The following ARRDC3 variants were observed in gnomAD, a reference collection of about 807,000 sequenced individuals.
ARRDC3 encodes arrestin domain-containing protein 3.
Under a neutral mutation model 47.2 loss-of-function variants are expected in ARRDC3, and 10 were observed. That is an observed-to-expected ratio of 0.21 (90% CI 0.13 to 0.36). ARRDC3 has a LOEUF of 0.36. Among genes scored for constraint, ARRDC3 ranks in the 10% least tolerant of loss-of-function variants. The pLI is 1.00. For missense variants in ARRDC3, 381 were observed against 503.6 expected, an observed-to-expected ratio of 0.76 and a Z score of 2.33; for synonymous variants, 156 against 178.3, an observed-to-expected ratio of 0.87 and a Z score of 1.00.
chr5:91,371,310 C>G lies in ARRDC3; in HGVS notation c.*90G>C, dbSNP rs943405079. On this transcript the variant is annotated 3_prime_UTR_variant, in exon 8 of 8. Transcript: ENST00000265138. ...CTGGGCAAAAGTAATTCCACTTCCT[C>G]TGAAACGTGTCTCCAAGATACTTCT... is the stretch of plus-strand genomic sequence containing the variant. 8.4e-7 allele frequency: 1 copy of G among 1,188,488 alleles called. No individual in the cohort carries two copies. Among genetic ancestry groups the G allele is most frequent in the Non-Finnish European group, 1.2e-6 (1 of 824,628 alleles). The allele number at this position is 1,188,488 out of a possible 1,614,324, so 73.6% of individuals were successfully genotyped here.
chr5:91,377,389 C>A (rs1285807226), intron 2 of ARRDC3, among the ~76,000 whole-genome samples: 1 of 152,054 alleles, frequency 6.6e-6, no homozygotes. Context: ...ATATAGTCCT[C>A]TTGATCTATG....
chr5:91,368,830 G>A lies in ARRDC3; in HGVS notation c.*2570C>T, dbSNP rs970151411. On this transcript the variant is annotated 3_prime_UTR_variant, in exon 8 of 8. Transcript: ENST00000265138. ...TGTTTTCTTAAAACAGAGCCTACAA[G>A]GACATATTCAGCACCAAATAAAAAA... The A allele has an allele frequency of 2.0e-5, 3 of 152,310 alleles. No homozygotes were observed. Among genetic ancestry groups the A allele is most frequent in the Admixed American group, 2.0e-4 (3 of 15,234 alleles). The allele number at this position is 152,310 out of a possible 1,614,324, so 9.4% of individuals were successfully genotyped here.
chr5:91,374,701 T>C (rs569677825), intron 5 of ARRDC3, among the ~76,000 whole-genome samples: 7 of 152,132 alleles, frequency 4.6e-5, no homozygotes, highest in African/African-American at 1.7e-4. Context: ...CTGGGCGACA[T>C]GGTCAAACTC....
At chr5:91,378,456 T>TA (rs1799356652) in intron 2 of ARRDC3, among the ~76,000 whole-genome samples, 3 of 152,114 alleles carry the variant, frequency 2.0e-5, no homozygotes, top group Non-Finnish European at 4.4e-5. Context: ...ATTCCTATTT[T>TA]AAAAACCTCA....
chr5:91,381,139 A>C (rs1365764802), intron 1 of ARRDC3: 1 of 151,126 alleles, frequency 6.6e-6, no homozygotes, highest in Non-Finnish European at 1.5e-5. Flanking sequence ...GGCTAGTTTG[A>C]GAGCTCCCAG....
chr5:91,371,379 T>A lies in ARRDC3; in HGVS notation c.*21A>T, dbSNP rs200360428. On this transcript the variant is annotated 3_prime_UTR_variant, in exon 8 of 8. Transcript: ENST00000265138. ...GATACAGTTCGGAACCCACATCAAC[T>A]TGATTCAACCAAGTGTTCCTTCAAC... 35 of 1,605,134 alleles carry A rather than the reference T, an allele frequency of 2.2e-5. No individual in the cohort carries two copies. In the Admixed American group the frequency reaches 4.0e-4, roughly 18 times the overall value.
intron 1 of ARRDC3, among the ~76,000 whole-genome samples, chr5:91,382,050 T>C (rs1339935361): frequency 6.6e-6 from 1 of 152,206 alleles, no homozygotes; most frequent in African/African-American, 2.4e-5. Context: ...TCAAATCCAG[T>C]GTGCCCTATA....
chr5:91,380,564 C>T, intron 1 of ARRDC3: 1 of 152,486 alleles, frequency 6.6e-6, no homozygotes, highest in Non-Finnish European at 1.5e-5. Context: ...CCAGCCTTTG[C>T]TCTGTCCCCT....
chr5:91,372,026 C>T (rs997959795), intron 7 of ARRDC3, among the ~76,000 whole-genome samples: 2 of 152,026 alleles, frequency 1.3e-5, no homozygotes, highest in East Asian at 1.9e-4. Flanking sequence ...GGGCCAAAAA[C>T]GCAGTGTATC....
chr5:91,382,883 G>A lies in ARRDC3; in HGVS notation c.210C>T (p.Ala70=), dbSNP rs1235547176. The change falls in exon 1 of 8, where the codon GCC becomes GCT. Residue 70 remains alanine, a synonymous_variant. Coordinates refer to ENST00000265138, the MANE Select transcript of ARRDC3 (RefSeq NM_020801.4). ...CTTCTTCAGTGTAATTCTGTGTATA[G>A]GCAGTATTGGAGCCGGCGTTTCTAG... is the stretch of plus-strand genomic sequence containing the variant. The part of the protein sequence containing the change: ...TESRNAGSNT[A]YTQNYTEEVE... 1 of 1,614,020 alleles carries A rather than the reference G, an allele frequency of 6.2e-7. No individual in the cohort carries two copies. Among genetic ancestry groups the A allele is most frequent in the Admixed American group, 1.7e-5 (1 of 60,018 alleles).
Position 91,375,506 on chromosome 5 carries a change from C to G in ARRDC3, c.613+5G>C. The stretch of plus-strand genomic sequence containing the variant: ...GTTTTTTGTGGGAATCTACCTCTTA[C>G]ATACCTGGGGTATAGCCCTTCCTTT... On this transcript the variant is annotated splice_donor_5th_base_variant and intron_variant, in intron 4 of 7. Transcript: ENST00000265138. The G allele has an allele frequency of 6.3e-7, 1 of 1,592,122 alleles. No homozygotes were observed. Among genetic ancestry groups the G allele is most frequent in the Non-Finnish European group, 8.6e-7 (1 of 1,168,704 alleles).
chr5:91,375,255 T>A lies in ARRDC3; in HGVS notation c.614-77A>T, dbSNP rs1799274625. 25 of 1,454,264 alleles carry A rather than the reference T, an allele frequency of 1.7e-5. No individual in the cohort carries two copies. The South Asian group carries it at 2.9e-4, about 17-fold the overall frequency. 90.1% of individuals were successfully genotyped at this position (1,454,264 alleles called of 1,614,324 possible). A position where few individuals can be genotyped will look rare whatever the true frequency, so the allele number is the denominator to read the frequency against. ...GAAGTCAAGATTCTTAAAGCTAAAG[T>A]AAGAAAGTGCAACTAACATACATGA... On this transcript the variant is annotated intron_variant, in intron 4 of 7. Transcript: ENST00000265138.
In ARRDC3 at chr5:91,383,078, C is replaced by T; in HGVS notation, c.15G>A (p.Lys5=). The change falls in exon 1 of 8, where the codon AAG becomes AAA. Residue 5 remains lysine, a synonymous_variant. Transcript: ENST00000265138. MVLG[K]VKSLTISFDC... is the part of the protein sequence containing the mutation. ...CAAAGCTTATTGTCAAACTCTTCAC[C>T]TTTCCCAGCACCATGTTTATAACAA... is the stretch of plus-strand genomic sequence containing the variant. 3.1e-6 allele frequency: 5 copies of T among 1,607,528 alleles called. No individual in the cohort carries two copies. Among genetic ancestry groups the T allele is most frequent in the Non-Finnish European group, 4.2e-6 (5 of 1,176,878 alleles).
intron 1 of ARRDC3, chr5:91,380,258 T>C (rs1246541437): frequency 2.6e-5 from 4 of 154,968 alleles, no homozygotes; most frequent in Non-Finnish European, 5.7e-5. Context: ...CCGCTATACA[T>C]ACGGCATACG....
At position 91,374,979 on chromosome 5, in the gene ARRDC3, T is replaced by C. The variant is rs1799265894; in HGVS notation, c.813A>G (p.Pro271=). ...ETWNGKLLKI[P]PVSPSILDCS... ...AGTCGAGGATAGAGGGAGAAACTGG[T>C]GGAATTTTCAGCAACTTGCCATTCC... The change falls in exon 5 of 8, where the codon CCA becomes CCG. Residue 271 remains proline, a synonymous_variant. Transcript: ENST00000265138. 4 of 1,614,152 alleles carry C rather than the reference T, an allele frequency of 2.5e-6. No individual in the cohort carries two copies. The highest frequency in any genetic ancestry group is 1.6e-4 in the Middle Eastern group (1 of 6,062).
In ARRDC3 at chr5:91,373,836, G is replaced by C; in HGVS notation, c.1036C>G (p.Pro346Ala). ...SLSLPERPEA[P>A]PSYAEVVTEE... Reference sequence around the variant, plus strand: ...GTTACCACTTCTGCATAGCTGGGTGGTGCTGAAGGAAAAAGATACACGCAA... The same window carrying C: ...GTTACCACTTCTGCATAGCTGGGTGCTGCTGAAGGAAAAAGATACACGCAA... Residue 346 changes from proline to alanine, a missense_variant and splice_region_variant, in exon 7 of 8, where the codon CCA becomes GCA. By Grantham distance (27) the Pro-to-Ala change is conservative. Coordinates refer to ENST00000265138, the MANE Select transcript of ARRDC3 (RefSeq NM_020801.4). The C allele has an allele frequency of 6.2e-7, 1 of 1,613,870 alleles. No individual in the cohort carries two copies. Among genetic ancestry groups the C allele is most frequent in the Non-Finnish European group, 8.5e-7 (1 of 1,179,848 alleles).
intron 7 of ARRDC3, among the ~76,000 whole-genome samples, chr5:91,372,400 C>T (rs997760827): frequency 2.0e-5 from 3 of 152,082 alleles, no homozygotes; most frequent in Admixed American, 1.3e-4. Context: ...GCAGAATTTT[C>T]CCACAAATTG....
chr5:91,378,740 GA>G lies in ARRDC3; in HGVS notation c.315del (p.His106IlefsTer33). 1 of 1,599,926 alleles carries G rather than the reference GA, an allele frequency of 6.3e-7. No individual in the cohort carries two copies. The highest frequency in any genetic ancestry group is 8.5e-7 in the Non-Finnish European group (1 of 1,174,704). On this transcript the variant is annotated frameshift_variant, in exon 2 of 8. Transcript: ENST00000265138. LOFTEE classifies it high-confidence loss of function. ...DDNSEEGFHT[I>X]HSGRHEYAFS... ...AATGCATATTCATGCCTTCCTGAAT[GA>G]ATAGTGTGGAAGCCTTCTTCGGAAT...
chr5:91,371,997 G>A (rs895350006), intron 7 of ARRDC3, among the ~76,000 whole-genome samples: 3 of 152,042 alleles, frequency 2.0e-5, no homozygotes, highest in Non-Finnish European at 2.9e-5. Context: ...AATAACTCAT[G>A]GGTGTAAAAT....
Sources: gnomAD v4.1 joint callset for allele counts (sites outside exome capture counted in the v4.1 genomes callset) on GRCh38, gnomAD v4.1.1 for gene constraint, MANE v1.5 for transcripts, NCBI Gene and HGNC (gene_info 2026-07-23, HGNC 2026-07-21) for gene names.